ZNF532: variants seen among roughly 807,000 people sequenced by gnomAD.
The protein encoded by ZNF532 is zinc finger protein 532.
A neutral mutation model predicts 89.3 loss-of-function variants in ZNF532; 22 were observed. The observed-to-expected ratio is 0.25, with a 90% CI of 0.18 to 0.35. The LOEUF (loss-of-function observed/expected upper bound fraction) is 0.35. Among genes scored for constraint, ZNF532 ranks in the 10% least tolerant of loss-of-function variants. ZNF532 has a pLI of 1.00. For missense variants in ZNF532, 1,132 were observed against 1,643.4 expected (o/e 0.69, Z 5.38); for synonymous variants, 606 against 649.6 (o/e 0.93, Z 1.02).
intron 2 of ZNF532, among the ~76,000 whole-genome samples, chr18:58,883,592 T>C (rs1288338286): frequency 1.3e-5 from 2 of 152,158 alleles, no homozygotes; most frequent in East Asian, 3.9e-4. Context: ...GATTAAGTAT[T>C]GGTGGGAGGA....
chr18:58,883,441 G>A lies in ZNF532; in HGVS notation c.-18+17862G>A, dbSNP rs2058067590. Among the ~76,000 whole-genome samples, 3 of 152,180 alleles carry A rather than the reference G, an allele frequency of 2.0e-5. No homozygotes were observed. The South Asian group carries it at 6.2e-4, about 32-fold the overall frequency. On this transcript the variant is annotated intron_variant, in intron 2 of 9. Transcript: ENST00000591808. ...AACAGCTGTGATACCTGTGCAGGGAGCCTATTTGTCCACTCCCTCAATTAA... is the reference window on the plus strand; with the variant it reads ...AACAGCTGTGATACCTGTGCAGGGAACCTATTTGTCCACTCCCTCAATTAA...
chr18:58,903,545 G>A (rs2059733286), intron 2 of ZNF532, among the ~76,000 whole-genome samples: 1 of 152,134 alleles, frequency 6.6e-6, no homozygotes, highest in South Asian at 2.1e-4. Context: ...ATAGAGGACC[G>A]ACAGCGATTA....
intron 8 of ZNF532, 138 bp downstream of exon 8, chr18:58,979,305 A>G (rs942521068): frequency 9.0e-6 from 5 of 556,062 alleles, no homozygotes; most frequent in Non-Finnish European, 1.5e-5. Context: ...TTGTTTTGGC[A>G]TAGAGTTTTT....
intron 2 of ZNF532, among the ~76,000 whole-genome samples, chr18:58,885,724 G>C (rs548640148): frequency 1.3e-5 from 2 of 151,886 alleles, no homozygotes; most frequent in East Asian, 4.0e-4. Flanking sequence ...TGTGGTGGCA[G>C]GCACCTGTAA....
chr18:58,895,982 G>T (rs1358477970), intron 2 of ZNF532, among the ~76,000 whole-genome samples: 1 of 151,712 alleles, frequency 6.6e-6, no homozygotes, highest in African/African-American at 2.4e-5. Flanking sequence ...CTCCCAAGTA[G>T]CTGAGACCAC....
intron 2 of ZNF532, among the ~76,000 whole-genome samples, chr18:58,909,903 C>T (rs7235993): frequency 0.036 from 5,541 of 152,152 alleles, 99 homozygotes; most frequent in East Asian, 0.058. Flanking sequence ...TGTCACATAG[C>T]CTGGGTTTTC....
rs1568405970 is a variant in ZNF532 at position 58,951,646 on chromosome 18, G to GTTTTTTTTTTTTGGT, written c.2869-1860_2869-1859insGGTTTTTTTTTTTTT. On this transcript the variant is annotated intron_variant, in intron 6 of 9. Transcript: ENST00000591808. ...CAATCACCTCAGCCCTCGCCCTGTTGTTTTTTTTTTTTTTTTTTTTTGAGA... is the reference window on the plus strand; with the variant it reads ...CAATCACCTCAGCCCTCGCCCTGTTGTTTTTTTTTTTTGGTTTTTTTTTTTTTTTTTTTTTTGAGA... Among the ~76,000 whole-genome samples, 44 of 72,598 alleles carry GTTTTTTTTTTTTGGT rather than the reference G, an allele frequency of 6.1e-4. 1 individual carries two copies. Among genetic ancestry groups the GTTTTTTTTTTTTGGT allele is most frequent in the East Asian group, 1.0e-3 (2 of 1,968 alleles). The allele number at this position is 72,598 out of a possible 152,430, so 47.6% of individuals were successfully genotyped here. A position where few individuals can be genotyped will look rare whatever the true frequency, so the allele number is the denominator to read the frequency against.
At chr18:58,867,538 G>A (rs1295662351) in intron 2 of ZNF532, among the ~76,000 whole-genome samples, 2 of 152,166 alleles carry the variant, frequency 1.3e-5, no homozygotes, top group African/African-American at 4.8e-5. Context: ...GAATGTGGAT[G>A]TGAGTGTGCA....
chr18:58,960,229 A>T (rs148556275), intron 7 of ZNF532, among the ~76,000 whole-genome samples: 23 of 152,210 alleles, frequency 1.5e-4, no homozygotes, highest in African/African-American at 4.6e-4. Context: ...ATTTAAAAAA[A>T]TTTTTTGGTA....
intron 5 of ZNF532, among the ~76,000 whole-genome samples, chr18:58,942,147 T>C (rs1056597414): frequency 3.8e-4 from 58 of 150,814 alleles, no homozygotes; most frequent in East Asian, 1.4e-3. Flanking sequence ...CTCAGCCTCC[T>C]GAGTAGCTGG....
At chr18:58,863,638 GCAGCAGCAGCCA>G (rs961213635), upstream of ZNF532, 9 of 155,688 alleles carry the variant, frequency 5.8e-5, no homozygotes, top group African/African-American at 1.4e-4. Flanking sequence ...TCCGACGACA[GCAGCAGCAGCCA>G]CAGCAGCAGC....
rs552163639 is a variant in ZNF532 at position 58,920,051 on chromosome 18, G to C, written c.1764G>C (p.Leu588=). Residue 588 remains leucine (L), a synonymous_variant, in exon 3 of 10, where the codon CTG becomes CTC. Coordinates refer to ENST00000591808, the MANE Select transcript of ZNF532 (RefSeq NM_001375912.1). ...SSVVEAFNKV[L]SSVNPVPVYI... is the part of the protein sequence containing the mutation. ...TGGTGGAAGCTTTCAACAAGGTGCT[G>C]AGCAGTGTCAATCCAGTCCCTGTTT... 3.2e-5 allele frequency: 51 copies of C among 1,613,890 alleles called. No individual in the cohort carries two copies. The highest frequency in any genetic ancestry group is 3.1e-4 in the East Asian group (14 of 44,874).
intron 4 of ZNF532, among the ~76,000 whole-genome samples, chr18:58,937,161 TA>T (rs768349143): frequency 6.6e-5 from 10 of 152,214 alleles, no homozygotes; most frequent in Non-Finnish European, 1.3e-4. Context: ...ATATTTTTTT[TA>T]ATTCAAAAAA....
intron 7 of ZNF532, among the ~76,000 whole-genome samples, chr18:58,962,503 T>A (rs1017368120): frequency 6.6e-6 from 1 of 152,048 alleles, no homozygotes; most frequent in South Asian, 2.1e-4. Context: ...TCTGACTTGG[T>A]AGCTGCACAC....
At chr18:58,892,788 G>T (rs892284076) in intron 2 of ZNF532, among the ~76,000 whole-genome samples, 5 of 152,232 alleles carry the variant, frequency 3.3e-5, no homozygotes, top group African/African-American at 1.2e-4. Context: ...GGCAGAGACA[G>T]GAGGGGAACA....
At chr18:58,873,917 C>T (rs1167796437) in intron 2 of ZNF532, among the ~76,000 whole-genome samples, 6 of 152,174 alleles carry the variant, frequency 3.9e-5, no homozygotes, top group African/African-American at 7.2e-5. Flanking sequence ...TTACTAGCTG[C>T]GGGACCTTGA....
chr18:58,874,285 C>T lies in ZNF532; in HGVS notation c.-18+8706C>T. Among the ~76,000 whole-genome samples, 2 of 152,064 alleles carry T rather than the reference C, an allele frequency of 1.3e-5. 1 individual carries two copies. The highest frequency in any genetic ancestry group is 2.9e-5 in the Non-Finnish European group (2 of 68,014). The stretch of plus-strand genomic sequence containing the variant: ...GTAGTGTATTTGTTCCTACTTGGCT[C>T]TACTTTCATTTGTGGTTGGAGAATC... On this transcript the variant is annotated intron_variant, in intron 2 of 9. Coordinates refer to ENST00000591808, the MANE Select transcript of ZNF532 (RefSeq NM_001375912.1).
At chr18:58,930,727 C>A (rs897870095) in intron 3 of ZNF532, among the ~76,000 whole-genome samples, 1 of 151,982 alleles carries the variant, frequency 6.6e-6, no homozygotes, top group African/African-American at 2.4e-5. Flanking sequence ...TGCTCAAGCC[C>A]CTGTTATAAA....
rs113740890 is a variant in ZNF532 at position 58,902,786 on chromosome 18, C to G, written c.-17-15485C>G. Reference sequence around the variant, plus strand: ...GGATTATAGGGGTGAGCCACCACACCTGGCCCCAGGTGATCCTTCTAGTGG... The same window carrying G: ...GGATTATAGGGGTGAGCCACCACACGTGGCCCCAGGTGATCCTTCTAGTGG... On this transcript the variant is annotated intron_variant, in intron 2 of 9. Transcript: ENST00000591808. 8.0e-3 allele frequency among the ~76,000 whole-genome samples: 1,223 copies of G among 152,250 alleles called. 18 individuals carry two copies. Among genetic ancestry groups the G allele is most frequent in the African/African-American group, 0.028 (1,150 of 41,544 alleles).
Sources: gnomAD v4.1 joint callset for allele counts (sites outside exome capture counted in the v4.1 genomes callset) on GRCh38, gnomAD v4.1.1 for gene constraint, MANE v1.5 for transcripts, NCBI Gene and HGNC (gene_info 2026-07-23, HGNC 2026-07-21) for gene names.